OVCH1: variants seen among roughly 807,000 people sequenced by gnomAD.
The protein encoded by OVCH1 is ovochymase-1.
In OVCH1, 139 loss-of-function variants were observed where a neutral mutation model predicts 138.4. That is an observed-to-expected ratio of 1.00 (90% CI 0.87 to 1.16). The LOEUF (loss-of-function observed/expected upper bound fraction) is 1.16. OVCH1 is among the 50% of genes most tolerant of loss of function. The pLI is 0.00. For missense variants in OVCH1, 1,367 were observed against 1,357.9 expected (o/e 1.01, Z -0.11); for synonymous variants, 453 against 467.8 (o/e 0.97, Z 0.41).
At chr12:29,487,465 A>G (rs1943143335) in intron 7 of OVCH1, 1 of 423,404 alleles carries the variant, frequency 2.4e-6, no homozygotes, top group Non-Finnish European at 4.1e-6. Flanking sequence ...AATCTCGTAA[A>G]TGCAAAAAGG....
intron 8 of OVCH1, among the ~76,000 whole-genome samples, chr12:29,485,317 T>TAAAAA (rs869216306): frequency 2.2e-5 from 2 of 89,840 alleles, no homozygotes; most frequent in Admixed American, 1.2e-4. Flanking sequence ...ACCCAGTCTT[T>TAAAAA]AAAAAAAAAA....
chr12:29,464,898 G>A (rs1942263579), intron 17 of OVCH1, among the ~76,000 whole-genome samples, 196 bp from the exon 18 acceptor site: 1 of 152,120 alleles, frequency 6.6e-6, no homozygotes, highest in Non-Finnish European at 1.5e-5. Flanking sequence ...CTGGATAAAG[G>A]TGGTGCTGGA....
chr12:29,489,755 A>T, exon 6 of OVCH1: 1 of 1,610,352 alleles, frequency 6.2e-7, no homozygotes, highest in Non-Finnish European at 8.5e-7. Flanking sequence ...CTTGTAGGAC[A>T]TTTGAATATT....
rs1942783346 is a variant in OVCH1, at chr12:29,477,528, AACTTAC to A, written c.1113+1_1113+6del. ...AATAACATTACTAAAAAGTGGTGGA[AACTTAC>A]ACGTTTGTTTTGTTTTCCATCGTCT... On this transcript the variant is annotated splice_donor_variant and splice_donor_5th_base_variant and intron_variant, in intron 10 of 27. Coordinates refer to ENST00000318184, the Ensembl canonical transcript of OVCH1. LOFTEE classifies it high-confidence loss of function. The A allele has an allele frequency of 1.2e-6, 2 of 1,613,858 alleles. No individual in the cohort carries two copies. The highest frequency in any genetic ancestry group is 4.5e-5 in the East Asian group (2 of 44,870).
chr12:29,447,078 C>A (rs1374969624), intron 22 of OVCH1, among the ~76,000 whole-genome samples: 1 of 151,742 alleles, frequency 6.6e-6, no homozygotes, highest in African/African-American at 2.4e-5. Context: ...ATAAACATGA[C>A]AAAGGAAAAT....
At chr12:29,450,559 CT>C (rs1941758020) in intron 22 of OVCH1, among the ~76,000 whole-genome samples, 1 of 152,206 alleles carries the variant, frequency 6.6e-6, no homozygotes, top group Admixed American at 6.5e-5. Flanking sequence ...TGCTTTTACA[CT>C]GTTGGTAGGA....
At chr12:29,427,354 T>A (rs1472167321), downstream of OVCH1, among the ~76,000 whole-genome samples, 1 of 152,200 alleles carries the variant, frequency 6.6e-6, no homozygotes, top group Non-Finnish European at 1.5e-5. Context: ...TTAATTCTGG[T>A]AGAAGAGACA....
intron 7 of OVCH1, 116 bp downstream of exon 7, chr12:29,487,577 A>G: frequency 9.4e-7 from 1 of 1,062,742 alleles, no homozygotes; most frequent in Non-Finnish European, 1.3e-6. Flanking sequence ...TGGACTAAGA[A>G]TTTAAAACCA....
chr12:29,414,623 C>T (rs1321778328), intron 3 of OVCH1, among the ~76,000 whole-genome samples: 3 of 152,098 alleles, frequency 2.0e-5, no homozygotes, highest in Admixed American at 6.5e-5. Flanking sequence ...AACTTACAGT[C>T]CACCCAACTA....
chr12:29,496,515 C>A, intron 2 of OVCH1, 41 bp downstream of exon 2: 2 of 1,475,532 alleles, frequency 1.4e-6, no homozygotes, highest in Non-Finnish European at 1.9e-6. Flanking sequence ...AAATATTTCA[C>A]TGTTTTCTCA....
chr12:29,462,092 T>C, intron 18 of OVCH1, 84 bp from the exon 19 acceptor site: 1 of 1,441,682 alleles, frequency 6.9e-7, no homozygotes, highest in South Asian at 1.3e-5. Context: ...CAGATGTAGC[T>C]CTGTACCAAC....
intron 23 of OVCH1, 124 bp downstream of exon 23, chr12:29,445,154 A>G: frequency 1.7e-6 from 2 of 1,169,030 alleles, no homozygotes; most frequent in Non-Finnish European, 2.3e-6. Flanking sequence ...CCTTTCAAAC[A>G]TATACTCATT....
intron 8 of OVCH1, among the ~76,000 whole-genome samples, 199 bp downstream of exon 9, chr12:29,484,514 T>C (rs61918685): frequency 0.039 from 5,922 of 152,140 alleles, 160 homozygotes; most frequent in Non-Finnish European, 0.061. Flanking sequence ...ATAAGCCAAG[T>C]TGTGGTGGCA....
chr12:29,407,482 T>C (rs1230312181), downstream of OVCH1, among the ~76,000 whole-genome samples: 1 of 150,862 alleles, frequency 6.6e-6, no homozygotes, highest in Non-Finnish European at 1.5e-5. Flanking sequence ...TTAATTTTTG[T>C]ATAAGGTGTA....
chr12:29,458,940 A>G (rs1372157027), intron 19 of OVCH1, among the ~76,000 whole-genome samples: 1 of 152,244 alleles, frequency 6.6e-6, no homozygotes, highest in African/African-American at 2.4e-5. Context: ...ATGAGATATC[A>G]TCTCACCCTA....
chr12:29,485,377 G>A (rs1376178510), intron 8 of OVCH1, among the ~76,000 whole-genome samples: 3 of 147,010 alleles, frequency 2.0e-5, no homozygotes, highest in African/African-American at 7.5e-5. Flanking sequence ...GTTCACGCCT[G>A]TAATCCCAGC....
chr12:29,478,560 T>C (rs1263385935), intron 9 of OVCH1, among the ~76,000 whole-genome samples: 3 of 152,200 alleles, frequency 2.0e-5, no homozygotes, highest in African/African-American at 7.2e-5. Flanking sequence ...AGTGTGTTGA[T>C]CACTGTCTCC....
intron 17 of OVCH1, among the ~76,000 whole-genome samples, 176 bp downstream of exon 17, chr12:29,464,971 C>A (rs1158286257): frequency 1.3e-5 from 2 of 152,066 alleles, no homozygotes; most frequent in Non-Finnish European, 2.9e-5. Flanking sequence ...CTACTTCCTG[C>A]AATTCTCAAG....
intron 16 of OVCH1, among the ~76,000 whole-genome samples, chr12:29,466,732 T>C (rs1018755194): frequency 6.6e-6 from 1 of 152,166 alleles, no homozygotes; most frequent in Non-Finnish European, 1.5e-5. Context: ...CTCAAAATGA[T>C]GTTAAGAAGT....
Sources: allele counts gnomAD v4.1 joint callset (sites outside exome capture counted in the v4.1 genomes callset), GRCh38; gene constraint gnomAD v4.1.1; transcripts MANE v1.5; gene names NCBI Gene and HGNC (gene_info 2026-07-23, HGNC 2026-07-21).